ANKRD11: variants seen among roughly 807,000 people sequenced by gnomAD.
ANKRD11 encodes ankyrin repeat domain 11.
ANKRD11 carries 17 observed loss-of-function variants against 195.7 expected under a neutral mutation model. That is an observed-to-expected ratio of 0.09 (90% CI 0.06 to 0.13). ANKRD11 has a LOEUF of 0.13. Among genes scored for constraint, ANKRD11 ranks in the 10% least tolerant of loss-of-function variants. The pLI is 1.00. For synonymous variants in ANKRD11, 1,953 were observed against 1,528.1 expected (o/e 1.28, Z -6.49); for missense variants, 3,735 against 3,566.1 (o/e 1.05, Z -1.21).
intron 2 of ANKRD11, among the ~76,000 whole-genome samples, chr16:89,357,840 T>C (rs60494028): frequency 2.6e-5 from 4 of 152,322 alleles, no homozygotes; most frequent in African/African-American, 9.6e-5. Context: ...CTGCTGAAGG[T>C]ACTGGAAGCC....
At chr16:89,351,602 G>T (rs1417063179) in intron 2 of ANKRD11, among the ~76,000 whole-genome samples, 1 of 152,214 alleles carries the variant, frequency 6.6e-6, no homozygotes, top group Non-Finnish European at 1.5e-5. Flanking sequence ...TCTGTGTTTG[G>T]CATTGAGGCA....
At chr16:89,452,507 T>A (rs540152826) in intron 1 of ANKRD11, among the ~76,000 whole-genome samples, 6 of 152,142 alleles carry the variant, frequency 3.9e-5, no homozygotes, top group East Asian at 1.9e-4. Flanking sequence ...ACTTTTTTTT[T>A]AATCAAGAAT....
intron 1 of ANKRD11, among the ~76,000 whole-genome samples, chr16:89,439,488 A>C (rs1427072530): frequency 6.6e-6 from 1 of 152,230 alleles, no homozygotes; most frequent in African/African-American, 2.4e-5. Flanking sequence ...ACACCAAAGA[A>C]AAAACAAGTG....
In ANKRD11 at chr16:89,400,022, C is replaced by T. The variant is rs917623455; in HGVS notation, c.-60+18262G>A. Among the ~76,000 whole-genome samples the T allele has an allele frequency of 6.8e-5, 10 of 146,168 alleles. 1 individual carries two copies. The highest frequency in any genetic ancestry group is 1.8e-4 in the African/African-American group (7 of 39,322). On this transcript the variant is annotated intron_variant, in intron 2 of 12. Transcript: ENST00000301030. Reference sequence around the variant, plus strand: ...TCATCTGCTGCCCCAGGCTTCCCTGCGCTGGAGGCCGGTCATCTGCTGCCC... The same window carrying T: ...TCATCTGCTGCCCCAGGCTTCCCTGTGCTGGAGGCCGGTCATCTGCTGCCC...
rs766479534 is a variant in ANKRD11, at chr16:89,291,127, C to T, written c.283G>A (p.Gly95Arg). The T allele has an allele frequency of 2.2e-5, 35 of 1,613,818 alleles. No individual in the cohort carries two copies. The highest frequency in any genetic ancestry group is 3.3e-5 in the South Asian group (3 of 91,086). ...GACAGCCCCATGCCAAACAGCAGCC[C>T]GGCCTTCCGGGTGACAGGCTCCTTC... The part of the protein sequence containing the change: ...IKKEPVTRKA[G>R]LLFGMGLSGI... Residue 95 changes from glycine (G) to arginine (R), a missense_variant, in exon 5 of 13, where the codon GGG (glycine) becomes AGG (arginine). Coordinates refer to ENST00000301030, the MANE Select transcript of ANKRD11 (RefSeq NM_013275.6). The surrounding 1 kb of genome is among the most constrained non-coding windows in gnomAD (Gnocchi z 5.3).
chr16:89,293,521 G>C (rs4785653), intron 4 of ANKRD11, among the ~76,000 whole-genome samples: 2 of 139,840 alleles, frequency 1.4e-5, no homozygotes, highest in South Asian at 2.3e-4. Context: ...GAGCGAGGAG[G>C]CGGGGTGGTG....
At chr16:89,371,850 C>A (rs924494824) in intron 2 of ANKRD11, among the ~76,000 whole-genome samples, 1 of 152,204 alleles carries the variant, frequency 6.6e-6, no homozygotes, top group Non-Finnish European at 1.5e-5. Context: ...CGAGCTCTTC[C>A]ACAGGAGGAA....
intron 9 of ANKRD11, among the ~76,000 whole-genome samples, chr16:89,277,017 C>A (rs1042790365): frequency 6.7e-6 from 1 of 150,206 alleles, no homozygotes; most frequent in Non-Finnish European, 1.5e-5. Context: ...CATCACGCCA[C>A]TGCACTCCAG....
chr16:89,380,529 G>T (rs140090043), intron 2 of ANKRD11, among the ~76,000 whole-genome samples: 1 of 150,392 alleles, frequency 6.6e-6, no homozygotes, highest in East Asian at 2.0e-4. Context: ...CATAAGAAAC[G>T]GGACACAGGG....
At position 89,367,805 on chromosome 16, in the gene ANKRD11, G is replaced by T. The variant is rs922856860; in HGVS notation, c.-60+50479C>A. 4.6e-5 allele frequency among the ~76,000 whole-genome samples: 7 copies of T among 152,146 alleles called. 1 individual carries two copies. The highest frequency in any genetic ancestry group is 1.7e-4 in the African/African-American group (7 of 41,412). ...GCAAACTATGACTTGTTCAAAAGCA[G>T]GTGGGGAGCCTGGGCAACATGGCGA... On this transcript the variant is annotated intron_variant, in intron 2 of 12. Transcript: ENST00000301030.
chr16:89,383,202 G>A (rs1848744335), intron 2 of ANKRD11, among the ~76,000 whole-genome samples: 1 of 152,220 alleles, frequency 6.6e-6, no homozygotes, highest in African/African-American at 2.4e-5. Flanking sequence ...TCACCTCAGG[G>A]AGGAAGAGGG....
chr16:89,448,073 G>A (rs1238447645), intron 1 of ANKRD11, among the ~76,000 whole-genome samples: 1 of 152,082 alleles, frequency 6.6e-6, no homozygotes, highest in Non-Finnish European at 1.5e-5. Flanking sequence ...CCAAAGTGCT[G>A]GGATTACAGG....
chr16:89,323,213 C>A, intron 2 of ANKRD11: 1 of 931,162 alleles, frequency 1.1e-6, no homozygotes, highest in Non-Finnish European at 1.5e-6. Context: ...CTCCAACGGA[C>A]TGAGCGGAGG....
intron 2 of ANKRD11, among the ~76,000 whole-genome samples, chr16:89,345,795 G>A (rs1178774560): frequency 1.3e-5 from 2 of 152,186 alleles, no homozygotes; most frequent in Admixed American, 6.5e-5. Context: ...ACACCAGGCT[G>A]GGCTTCCTCT....
At chr16:89,334,155 A>AAAAAAAAAAAAAAAAAAC (rs2038215660) in intron 2 of ANKRD11, among the ~76,000 whole-genome samples, 1 of 137,298 alleles carries the variant, frequency 7.3e-6, no homozygotes, top group African/African-American at 2.7e-5. Flanking sequence ...AAAAAAAAAA[A>AAAAAAAAAAAAAAAAAAC]AAAAAAAAAA....
intron 4 of ANKRD11, among the ~76,000 whole-genome samples, chr16:89,304,491 T>C (rs753069468): frequency 6.8e-6 from 1 of 147,098 alleles, no homozygotes; most frequent in South Asian, 2.2e-4. Flanking sequence ...TACACGGGCA[T>C]AGACGGGCAC....
At chr16:89,428,801 G>C (rs1305248814) in intron 1 of ANKRD11, among the ~76,000 whole-genome samples, 1 of 152,114 alleles carries the variant, frequency 6.6e-6, no homozygotes. Context: ...GGCTAAGGCA[G>C]GAGAATCACT....
intron 1 of ANKRD11, among the ~76,000 whole-genome samples, chr16:89,478,582 C>T (rs2057337747): frequency 2.0e-5 from 3 of 152,220 alleles, no homozygotes; most frequent in African/African-American, 7.2e-5. Flanking sequence ...CAAATGTGTC[C>T]CTTTCGTCCC....
At chr16:89,320,612 T>G (rs1567639998) in intron 2 of ANKRD11, among the ~76,000 whole-genome samples, 1 of 149,982 alleles carries the variant, frequency 6.7e-6, no homozygotes. Context: ...TCACCGAGAG[T>G]CCAGGGTGGT....
Sources: gnomAD v4.1 joint callset for allele counts (sites outside exome capture counted in the v4.1 genomes callset) on GRCh38, gnomAD v4.1.1 for gene constraint, Gnocchi (gnomAD v3.1) non-coding constraint, MANE v1.5 for transcripts, NCBI Gene and HGNC (gene_info 2026-07-23, HGNC 2026-07-21) for gene names.